The following WWOX variants were observed in gnomAD, a reference collection of about 807,000 sequenced individuals.
The protein encoded by WWOX is WW domain-containing oxidoreductase.
WWOX carries 69 observed loss-of-function variants against 46.2 expected under a neutral mutation model. The observed-to-expected ratio is 1.49, with a 90% CI of 1.23 to 1.82. The LOEUF is 1.82. WWOX is among the 40% of genes most tolerant of loss of function. The probability of loss-of-function intolerance (pLI) is 0.00; values close to 1 mark genes in which losing one functional copy is unlikely to be tolerated. For missense variants in WWOX, 919 were observed against 542.6 expected (o/e 1.69, Z -6.89); for synonymous variants, 359 against 202.6 (o/e 1.77, Z -6.56).
intron 8 of WWOX, among the ~76,000 whole-genome samples, chr16:78,870,053 A>C (rs778903664): frequency 1.7e-4 from 26 of 152,204 alleles, no homozygotes; most frequent in African/African-American, 6.0e-4. Flanking sequence ...CATCAACTAC[A>C]AATCATTGAT....
At chr16:78,551,370 A>G (rs539801630) in intron 8 of WWOX, 93 of 152,132 alleles carry the variant, frequency 6.1e-4, no homozygotes, top group African/African-American at 2.2e-3. Flanking sequence ...CTATTTATTT[A>G]TATTTATTTA....
At chr16:78,845,029 G>T (rs1440614465) in intron 8 of WWOX, among the ~76,000 whole-genome samples, 1 of 152,134 alleles carries the variant, frequency 6.6e-6, no homozygotes, top group African/African-American at 2.4e-5. Flanking sequence ...GCGCAGTGAA[G>T]CGGTTGGAAA....
chr16:78,475,079 T>C (rs925539912), intron 8 of WWOX, among the ~76,000 whole-genome samples: 5 of 152,178 alleles, frequency 3.3e-5, no homozygotes, highest in African/African-American at 9.7e-5. Context: ...TGCATAAATC[T>C]GTGACTGATA....
chr16:78,533,471 G>A (rs564222384), intron 8 of WWOX, among the ~76,000 whole-genome samples: 2 of 152,062 alleles, frequency 1.3e-5, no homozygotes, highest in African/African-American at 2.4e-5. Flanking sequence ...ATGAATTTGT[G>A]TTGGGCCAGA....
chr16:79,132,130 A>C (rs1340983490), intron 8 of WWOX, among the ~76,000 whole-genome samples: 1 of 40,640 alleles, frequency 2.5e-5, no homozygotes, highest in East Asian at 1.2e-3. Flanking sequence ...TTGCAGAAAC[A>C]CACACACACA....
At chr16:78,558,391 G>A (rs1032033990) in intron 8 of WWOX, among the ~76,000 whole-genome samples, 1 of 152,216 alleles carries the variant, frequency 6.6e-6, no homozygotes, top group African/African-American at 2.4e-5. Context: ...TAAAACTTGG[G>A]AGACATCCCA....
At chr16:78,325,850 C>G (rs1028957986) in intron 5 of WWOX, among the ~76,000 whole-genome samples, 9 of 152,190 alleles carry the variant, frequency 5.9e-5, no homozygotes, top group Non-Finnish European at 1.3e-4. Flanking sequence ...TCATTGGGAG[C>G]TTTGGATAAT....
intron 8 of WWOX, among the ~76,000 whole-genome samples, chr16:78,789,864 A>T (rs900141141): frequency 6.6e-6 from 1 of 152,148 alleles, no homozygotes; most frequent in East Asian, 1.9e-4. Context: ...ATATGGCAGC[A>T]TGGTTAGGAT....
At chr16:79,041,588 G>T (rs927014010) in intron 8 of WWOX, among the ~76,000 whole-genome samples, 1 of 152,068 alleles carries the variant, frequency 6.6e-6, no homozygotes, top group African/African-American at 2.4e-5. Flanking sequence ...AGTCTGGTTG[G>T]CCTCTGGGAG....
intron 8 of WWOX, among the ~76,000 whole-genome samples, chr16:78,744,273 A>G (rs1450815627): frequency 6.6e-6 from 1 of 152,150 alleles, no homozygotes; most frequent in East Asian, 1.9e-4. Context: ...GACTTTAGAA[A>G]CACATAGGCT....
intron 4 of WWOX, among the ~76,000 whole-genome samples, chr16:78,155,138 G>T (rs1204692056): frequency 6.6e-6 from 1 of 151,870 alleles, no homozygotes; most frequent in East Asian, 1.9e-4. Flanking sequence ...TTTTAATGCT[G>T]GCAACTAATT....
rs532214607 is a variant in WWOX, at chr16:78,103,926, A to G, written c.107+4041A>G. On this transcript the variant is annotated intron_variant, in intron 1 of 8. Transcript: ENST00000566780. ...TGTGCCTCAAAGGCACACATGTCCTAGCACTCCAAAGCCCACCAGGGTGGG... is the reference window on the plus strand; with the variant it reads ...TGTGCCTCAAAGGCACACATGTCCTGGCACTCCAAAGCCCACCAGGGTGGG... Among the ~76,000 whole-genome samples the G allele has an allele frequency of 7.6e-4, 116 of 151,900 alleles. 1 individual carries two copies. Among genetic ancestry groups the G allele is most frequent in the African/African-American group, 2.7e-3 (113 of 41,442 alleles).
At chr16:78,971,421 C>T (rs1236083067) in intron 8 of WWOX, among the ~76,000 whole-genome samples, 1 of 119,590 alleles carries the variant, frequency 8.4e-6, no homozygotes, top group African/African-American at 3.5e-5. Flanking sequence ...CGCCACTGCT[C>T]TCCAGTCTGG....
At chr16:79,039,205 G>T (rs568032193) in intron 8 of WWOX, among the ~76,000 whole-genome samples, 2 of 152,266 alleles carry the variant, frequency 1.3e-5, no homozygotes, top group Non-Finnish European at 2.9e-5. Flanking sequence ...ACTTTGCGTT[G>T]CAGTTTTGTT....
chr16:78,732,448 G>C (rs1384367206), intron 8 of WWOX, among the ~76,000 whole-genome samples: 2 of 152,176 alleles, frequency 1.3e-5, no homozygotes, highest in African/African-American at 2.4e-5. Context: ...TGAGCCCTCA[G>C]ATGATTCCAG....
At chr16:78,745,401 G>A (rs928096481) in intron 8 of WWOX, among the ~76,000 whole-genome samples, 5 of 151,976 alleles carry the variant, frequency 3.3e-5, no homozygotes, top group African/African-American at 4.8e-5. Flanking sequence ...TCTTCTTGCC[G>A]GCCTCTCCCT....
chr16:78,341,116 C>CTCTCTTGAA (rs6145907), intron 5 of WWOX, among the ~76,000 whole-genome samples: 26,338 of 117,564 alleles, frequency 0.22, 8,315 homozygotes, highest in African/African-American at 0.37. Flanking sequence ...TAAGACTCAG[C>CTCTCTTGAA]TCTCTTAAGT....
chr16:78,508,591 C>A (rs982328308), intron 8 of WWOX, among the ~76,000 whole-genome samples: 1 of 152,126 alleles, frequency 6.6e-6, no homozygotes, highest in Non-Finnish European at 1.5e-5. Context: ...CAGGTTTTGC[C>A]TGAGAAATTA....
At chr16:78,970,247 G>A (rs947945843) in intron 8 of WWOX, among the ~76,000 whole-genome samples, 1 of 152,152 alleles carries the variant, frequency 6.6e-6, no homozygotes, top group Non-Finnish European at 1.5e-5. Context: ...TTGGCTCTCA[G>A]TTAGAGACTC....
Sources: allele counts gnomAD v4.1 joint callset (sites outside exome capture counted in the v4.1 genomes callset), GRCh38; gene constraint gnomAD v4.1.1; transcripts MANE v1.5; gene names NCBI Gene and HGNC (gene_info 2026-07-23, HGNC 2026-07-21).